Variants in PLCB4 observed in about 807,000 individuals in gnomAD.
The protein encoded by PLCB4 is phospholipase C beta 4, also known as 1-phosphatidylinositol 4,5-bisphosphate phosphodiesterase beta-4.
PLCB4 carries 77 observed loss-of-function variants against 178.8 expected under a neutral mutation model. The observed-to-expected ratio is 0.43, with a 90% CI of 0.36 to 0.52. PLCB4 has a LOEUF of 0.52. Ranked by LOEUF, PLCB4 falls within the 20% of genes least tolerant of loss-of-function variation. The pLI is 0.00. For synonymous variants in PLCB4, 496 were observed against 490.8 expected (o/e 1.01, Z -0.14); for missense variants, 1,024 against 1,453.4 (o/e 0.70, Z 4.80).
intron 3 of PLCB4, among the ~76,000 whole-genome samples, chr20:9,274,639 T>C (rs2094435828): frequency 6.6e-6 from 1 of 152,118 alleles, no homozygotes; most frequent in African/African-American, 2.4e-5. Flanking sequence ...GAAAATATCT[T>C]CTGTCCTACG....
chr20:9,204,340 T>C (rs1369237530), intron 2 of PLCB4, among the ~76,000 whole-genome samples: 1 of 151,968 alleles, frequency 6.6e-6, no homozygotes. Context: ...AATTTTCCAG[T>C]CACTATCCAA....
intron 25 of PLCB4, among the ~76,000 whole-genome samples, chr20:9,413,105 G>A (rs1269623719): frequency 6.6e-6 from 1 of 152,134 alleles, no homozygotes; most frequent in Non-Finnish European, 1.5e-5. Flanking sequence ...GTCCTTTAAG[G>A]ACCCCAAGGA....
chr20:9,431,457 T>A (rs1385069199), intron 28 of PLCB4, among the ~76,000 whole-genome samples: 1 of 152,098 alleles, frequency 6.6e-6, no homozygotes, highest in Non-Finnish European at 1.5e-5. Context: ...TTAATTCTGC[T>A]TTTAATTTTT....
intron 4 of PLCB4, among the ~76,000 whole-genome samples, chr20:9,324,019 T>C (rs565735236): frequency 6.6e-6 from 1 of 152,086 alleles, no homozygotes; most frequent in African/African-American, 2.4e-5. Flanking sequence ...CCCTAATGAA[T>C]TGCTCACATT....
chr20:9,223,334 G>T (rs892674893), intron 3 of PLCB4, among the ~76,000 whole-genome samples: 1 of 152,162 alleles, frequency 6.6e-6, no homozygotes, highest in Non-Finnish European at 1.5e-5. Flanking sequence ...TAGTATATAC[G>T]TTGGGACCTA....
intron 2 of PLCB4, among the ~76,000 whole-genome samples, chr20:9,191,527 A>G (rs1429919432): frequency 6.6e-6 from 1 of 152,064 alleles, no homozygotes; most frequent in Non-Finnish European, 1.5e-5. Flanking sequence ...TAACTTACCC[A>G]GTCTGTGCTA....
intron 1 of PLCB4, among the ~76,000 whole-genome samples, chr20:9,072,714 C>CT (rs1009002689): frequency 1.3e-5 from 2 of 152,040 alleles, no homozygotes; most frequent in Non-Finnish European, 2.9e-5. Context: ...ACTTTGGATG[C>CT]TTTTTTATGC....
intron 9 of PLCB4, among the ~76,000 whole-genome samples, chr20:9,370,209 C>T (rs1035961074): frequency 6.6e-6 from 1 of 152,166 alleles, no homozygotes; most frequent in Non-Finnish European, 1.5e-5. Context: ...GCTCACTGTT[C>T]TAGTTAAAAG....
At chr20:9,295,550 T>C (rs1435330463) in intron 3 of PLCB4, among the ~76,000 whole-genome samples, 1 of 152,148 alleles carries the variant, frequency 6.6e-6, no homozygotes, top group Non-Finnish European at 1.5e-5. Flanking sequence ...AGAACAGAAA[T>C]ACTTTATTTC....
chr20:9,353,968 A>G (rs2034564217), intron 7 of PLCB4, among the ~76,000 whole-genome samples: 1 of 152,216 alleles, frequency 6.6e-6, no homozygotes, highest in Non-Finnish European at 1.5e-5. Context: ...AGTTATCCCA[A>G]GAAGCCCAGA....
chr20:9,423,401 C>A (rs907923576), intron 27 of PLCB4, among the ~76,000 whole-genome samples: 1 of 152,208 alleles, frequency 6.6e-6, no homozygotes, highest in Non-Finnish European at 1.5e-5. Flanking sequence ...CCAGGCCCCA[C>A]TCTGTCACTG....
intron 2 of PLCB4, among the ~76,000 whole-genome samples, chr20:9,124,956 A>G (rs1033196586): frequency 6.6e-6 from 1 of 152,232 alleles, no homozygotes; most frequent in African/African-American, 2.4e-5. Flanking sequence ...TAAAATAGTT[A>G]CATTGAAGAT....
At chr20:9,214,869 A>G (rs957868698) in intron 2 of PLCB4, among the ~76,000 whole-genome samples, 2 of 152,210 alleles carry the variant, frequency 1.3e-5, no homozygotes, top group Admixed American at 6.5e-5. Context: ...TATCTTATAT[A>G]TGCCCAGAAT....
intron 4 of PLCB4, among the ~76,000 whole-genome samples, chr20:9,328,130 G>A (rs764692943): frequency 6.6e-5 from 10 of 152,164 alleles, no homozygotes; most frequent in Non-Finnish European, 1.5e-4. Context: ...AAACAAGGGA[G>A]AGTACATCAA....
intron 2 of PLCB4, among the ~76,000 whole-genome samples, chr20:9,148,883 C>G (rs931100517): frequency 5.9e-5 from 9 of 152,154 alleles, no homozygotes; most frequent in African/African-American, 2.2e-4. Context: ...AGTTATTGAA[C>G]TGTGCAGTAA....
intron 7 of PLCB4, among the ~76,000 whole-genome samples, chr20:9,350,704 G>A (rs543011974): frequency 6.6e-6 from 1 of 152,222 alleles, no homozygotes; most frequent in East Asian, 1.9e-4. Context: ...GATTACAGGT[G>A]CATGCCACCA....
intron 2 of PLCB4, among the ~76,000 whole-genome samples, chr20:9,175,508 T>G (rs1333817328): frequency 2.0e-5 from 3 of 152,194 alleles, no homozygotes; most frequent in Non-Finnish European, 4.4e-5. Context: ...ATAGTCCTTC[T>G]TAGTTTAAGA....
chr20:9,439,477 C>A (rs960274436), intron 30 of PLCB4, among the ~76,000 whole-genome samples: 2 of 152,126 alleles, frequency 1.3e-5, no homozygotes, highest in Non-Finnish European at 2.9e-5. Context: ...AAATAGTGGT[C>A]ATTTTTGTAG....
At chr20:9,269,725 T>A (rs1352015322) in intron 3 of PLCB4, among the ~76,000 whole-genome samples, 1 of 152,184 alleles carries the variant, frequency 6.6e-6, no homozygotes, top group African/African-American at 2.4e-5. Context: ...AAAGATTTAA[T>A]ACATGGGGAT....
Sources: allele counts gnomAD v4.1 joint callset (sites outside exome capture counted in the v4.1 genomes callset), GRCh38; gene constraint gnomAD v4.1.1; transcripts MANE v1.5; gene names NCBI Gene and HGNC (gene_info 2026-07-23, HGNC 2026-07-21).